SGCZ: variants seen among roughly 807,000 people sequenced by gnomAD.
SGCZ encodes the protein sarcoglycan zeta.
Under a neutral mutation model 41.3 loss-of-function variants are expected in SGCZ, and 40 were observed. That is an observed-to-expected ratio of 0.97 (90% CI 0.75 to 1.26). SGCZ has a LOEUF of 1.26. Among genes scored for constraint, SGCZ ranks in the 50% most tolerant of loss-of-function variants. The pLI is 0.00. For synonymous variants in SGCZ, 206 were observed against 137.5 expected, an observed-to-expected ratio of 1.50 and a Z score of -3.49; for missense variants, 552 against 369.8, an observed-to-expected ratio of 1.49 and a Z score of -4.04.
intron 1 of SGCZ, among the ~76,000 whole-genome samples, chr8:14,860,052 C>G (rs933631582): frequency 6.6e-6 from 1 of 151,734 alleles, no homozygotes; most frequent in East Asian, 1.9e-4. Flanking sequence ...CGTTCCCAAT[C>G]CTTTAGGTTC....
At chr8:14,550,934 G>C (rs1352995674) in intron 2 of SGCZ, among the ~76,000 whole-genome samples, 2 of 151,798 alleles carry the variant, frequency 1.3e-5, no homozygotes, top group African/African-American at 4.8e-5. Flanking sequence ...ATTTTCTTGG[G>C]ATTTTTCTTT....
In SGCZ at chr8:14,199,430, G is replaced by A. The variant is rs150999112; in HGVS notation, c.425-34728C>T. Among the ~76,000 whole-genome samples the A allele has an allele frequency of 4.1e-3, 616 of 151,790 alleles. 4 individuals are homozygous for A. Among genetic ancestry groups the A allele is most frequent in the African/African-American group, 0.014 (578 of 41,394 alleles). On this transcript the variant is annotated intron_variant, in intron 4 of 7. Coordinates refer to ENST00000382080, the MANE Select transcript of SGCZ (RefSeq NM_139167.4). ...AAACTTCATTAGTAATTTTAATTTC[G>A]CCCTGGTCCTTTGGTCCTGTGATCT...
At chr8:14,743,684 C>T (rs939567205) in intron 1 of SGCZ, among the ~76,000 whole-genome samples, 29 of 152,040 alleles carry the variant, frequency 1.9e-4, no homozygotes, top group Non-Finnish European at 3.2e-4. Context: ...CTCCCCCGCC[C>T]GACACCCATC....
intron 1 of SGCZ, among the ~76,000 whole-genome samples, chr8:15,054,647 T>C (rs1176044615): frequency 6.6e-6 from 1 of 152,056 alleles, no homozygotes; most frequent in African/African-American, 2.4e-5. Flanking sequence ...AAAAAATTAT[T>C]TATCTTCTTT....
chr8:15,130,480 T>C (rs953567892), intron 1 of SGCZ, among the ~76,000 whole-genome samples: 2 of 152,218 alleles, frequency 1.3e-5, no homozygotes, highest in South Asian at 2.1e-4. Context: ...AAATGTTCTA[T>C]ATCCACAGTA....
At chr8:14,802,960 T>G (rs1215247407) in intron 1 of SGCZ, among the ~76,000 whole-genome samples, 1 of 152,166 alleles carries the variant, frequency 6.6e-6, no homozygotes, top group African/African-American at 2.4e-5. Context: ...AGCCCCATTC[T>G]TGTTTGTAGA....
chr8:15,086,689 A>T (rs1356105783), intron 1 of SGCZ, among the ~76,000 whole-genome samples: 2 of 152,036 alleles, frequency 1.3e-5, no homozygotes, highest in African/African-American at 2.4e-5. Context: ...CTTTTTTTTA[A>T]AAATTACATC....
chr8:14,776,654 C>T (rs1159873738), intron 1 of SGCZ, among the ~76,000 whole-genome samples: 2 of 151,624 alleles, frequency 1.3e-5, no homozygotes, highest in African/African-American at 4.8e-5. Flanking sequence ...CCACCACGCC[C>T]AGCTAATTTT....
chr8:14,731,560 C>G (rs60167334), intron 1 of SGCZ, among the ~76,000 whole-genome samples: 1 of 151,932 alleles, frequency 6.6e-6, no homozygotes, highest in Admixed American at 6.6e-5. Context: ...AAAAAGAATG[C>G]GTGCCTGTTT....
At chr8:14,668,834 G>C (rs1455568193) in intron 1 of SGCZ, among the ~76,000 whole-genome samples, 1 of 152,044 alleles carries the variant, frequency 6.6e-6, no homozygotes, top group Admixed American at 6.5e-5. Context: ...AAGGTATGCA[G>C]GTTGAGGATT....
At chr8:14,273,435 A>T (rs1282068163) in intron 3 of SGCZ, among the ~76,000 whole-genome samples, 2 of 152,140 alleles carry the variant, frequency 1.3e-5, no homozygotes, top group Non-Finnish European at 2.9e-5. Flanking sequence ...AATATCCCTC[A>T]GATGGACAAA....
At chr8:14,635,889 GTTAT>G (rs1469370121) in intron 1 of SGCZ, among the ~76,000 whole-genome samples, 2 of 151,784 alleles carry the variant, frequency 1.3e-5, no homozygotes, top group Non-Finnish European at 2.9e-5. Context: ...TACTTGGGGC[GTTAT>G]TTAAGAAAAC....
chr8:15,054,138 G>C, intron 1 of SGCZ, among the ~76,000 whole-genome samples: 1 of 152,204 alleles, frequency 6.6e-6, no homozygotes, highest in East Asian at 1.9e-4. Context: ...ATAAGAATCT[G>C]TGTATAAGTG....
At chr8:15,165,029 T>C (rs1357651836) in intron 1 of SGCZ, among the ~76,000 whole-genome samples, 2 of 152,106 alleles carry the variant, frequency 1.3e-5, no homozygotes, top group Middle Eastern at 3.2e-3. Context: ...CAGTGGCTCA[T>C]GCCTGTAATC....
intron 3 of SGCZ, among the ~76,000 whole-genome samples, chr8:14,292,904 A>G (rs2116949858): frequency 6.6e-6 from 1 of 152,168 alleles, no homozygotes; most frequent in African/African-American, 2.4e-5. Flanking sequence ...ATTTTCTAGC[A>G]GTAATACACA....
intron 1 of SGCZ, among the ~76,000 whole-genome samples, chr8:14,739,791 A>G (rs1461614020): frequency 6.6e-6 from 1 of 152,080 alleles, no homozygotes; most frequent in Non-Finnish European, 1.5e-5. Flanking sequence ...TGTGAACACT[A>G]TGCATATTCC....
At chr8:14,830,174 AC>A (rs1293495361) in intron 1 of SGCZ, among the ~76,000 whole-genome samples, 6 of 152,122 alleles carry the variant, frequency 3.9e-5, no homozygotes, top group Admixed American at 1.3e-4. Context: ...AAAAATATGG[AC>A]CAACTTTATT....
chr8:14,494,342 C>A (rs904381325), intron 2 of SGCZ, among the ~76,000 whole-genome samples: 9 of 152,068 alleles, frequency 5.9e-5, no homozygotes, highest in Non-Finnish European at 1.3e-4. Context: ...TGGCTCAGCC[C>A]GGCTACTGTT....
chr8:14,672,245 T>C (rs904946942), intron 1 of SGCZ, among the ~76,000 whole-genome samples: 2 of 152,280 alleles, frequency 1.3e-5, no homozygotes, highest in Admixed American at 6.5e-5. Flanking sequence ...ATTTAAAATA[T>C]ATAATTATTA....
Sources: gnomAD v4.1 joint callset for allele counts (sites outside exome capture counted in the v4.1 genomes callset) on GRCh38, gnomAD v4.1.1 for gene constraint, MANE v1.5 for transcripts, NCBI Gene and HGNC (gene_info 2026-07-23, HGNC 2026-07-21) for gene names.